Variants in TNR observed in about 807,000 individuals in gnomAD.
TNR encodes tenascin-R.
A neutral mutation model predicts 150.4 loss-of-function variants in TNR; 45 were observed. The ratio of observed to expected loss-of-function variants is 0.30; its 90% CI spans 0.24 to 0.38. The LOEUF (loss-of-function observed/expected upper bound fraction) is 0.38, where lower values mean the gene tolerates loss of function less well. TNR is among the 10% of genes least tolerant of loss of function. The probability of loss-of-function intolerance (pLI) is 1.00; values close to 1 mark genes in which losing one functional copy is unlikely to be tolerated. For missense variants in TNR, 1,544 were observed against 1,759.1 expected (o/e 0.88, Z 2.19); for synonymous variants, 687 against 678.4 (o/e 1.01, Z -0.20).
intron 1 of TNR, among the ~76,000 whole-genome samples, chr1:175,699,251 G>A (rs1168896257): frequency 6.6e-6 from 1 of 152,198 alleles, no homozygotes; most frequent in Non-Finnish European, 1.5e-5. Context: ...AAAAAAAATG[G>A]TGAAAGGGAG....
rs144390458 is a variant in TNR at position 175,479,705 on chromosome 1, A to C, written c.-64+48564T>G. ...GGCTACTCACTGATTACTCACTCAC[A>C]GAGGCAACTGAATCCTCAATCTGAT... On this transcript the variant is annotated intron_variant, in intron 2 of 22. Coordinates refer to ENST00000367674, the MANE Select transcript of TNR (RefSeq NM_003285.3). Among the ~76,000 whole-genome samples the C allele has an allele frequency of 5.0e-3, 763 of 152,202 alleles. 5 individuals carry two copies. Among genetic ancestry groups the C allele is most frequent in the African/African-American group, 0.017 (716 of 41,524 alleles).
intron 2 of TNR, among the ~76,000 whole-genome samples, chr1:175,484,976 T>C (rs367767552): frequency 1.3e-5 from 2 of 152,302 alleles, no homozygotes; most frequent in Middle Eastern, 3.4e-3. Context: ...GCAAAGAAGT[T>C]TGCTCTCCTA....
chr1:175,416,589 C>T (rs989221077), intron 2 of TNR, among the ~76,000 whole-genome samples: 1 of 152,146 alleles, frequency 6.6e-6, no homozygotes, highest in Non-Finnish European at 1.5e-5. Context: ...TTTTTCTTCT[C>T]TACATTTAAT....
chr1:175,541,720 G>T (rs559017241), intron 1 of TNR, among the ~76,000 whole-genome samples: 1 of 152,152 alleles, frequency 6.6e-6, no homozygotes, highest in Non-Finnish European at 1.5e-5. Context: ...TTACACCAAG[G>T]GGGATGCCAG....
chr1:175,366,339 C>A (rs12141400), intron 10 of TNR, among the ~76,000 whole-genome samples: 3 of 152,214 alleles, frequency 2.0e-5, no homozygotes, highest in African/African-American at 7.2e-5. Context: ...GATGAACAAT[C>A]TGAAGAAAGC....
chr1:175,688,351 A>T (rs1666260553), intron 1 of TNR, among the ~76,000 whole-genome samples: 1 of 152,212 alleles, frequency 6.6e-6, no homozygotes, highest in South Asian at 2.1e-4. Flanking sequence ...GGAAGAAAGG[A>T]GGCAGTGAGC....
chr1:175,341,894 C>T (rs1305754106), intron 18 of TNR, among the ~76,000 whole-genome samples: 5 of 152,328 alleles, frequency 3.3e-5, no homozygotes, highest in African/African-American at 4.8e-5. Context: ...GAATCAATGG[C>T]GCACATCTGC....
At chr1:175,514,185 T>C (rs528766466) in intron 2 of TNR, among the ~76,000 whole-genome samples, 1 of 152,290 alleles carries the variant, frequency 6.6e-6, no homozygotes, top group African/African-American at 2.4e-5. Context: ...ATTCCTAGTG[T>C]AATCACAAGG....
At chr1:175,628,693 G>A (rs1304820371) in intron 1 of TNR, among the ~76,000 whole-genome samples, 1 of 152,026 alleles carries the variant, frequency 6.6e-6, no homozygotes, top group Non-Finnish European at 1.5e-5. Flanking sequence ...AAGGGAAGAG[G>A]AGCAGCAGAG....
chr1:175,696,710 T>A (rs982306174), intron 1 of TNR, among the ~76,000 whole-genome samples: 1 of 152,066 alleles, frequency 6.6e-6, no homozygotes, highest in Non-Finnish European at 1.5e-5. Flanking sequence ...AGAAAACCCA[T>A]GTCTACTAAA....
At chr1:175,666,540 C>T (rs911017558) in intron 1 of TNR, among the ~76,000 whole-genome samples, 3 of 152,174 alleles carry the variant, frequency 2.0e-5, no homozygotes, top group African/African-American at 7.2e-5. Context: ...AGAGAGCTGC[C>T]CGGTGCTCCC....
chr1:175,434,936 T>C (rs1053810128), intron 2 of TNR, among the ~76,000 whole-genome samples: 4 of 152,156 alleles, frequency 2.6e-5, no homozygotes, highest in African/African-American at 7.2e-5. Flanking sequence ...CAGGCTAGGG[T>C]AATAGTTTCT....
intron 14 of TNR, among the ~76,000 whole-genome samples, chr1:175,360,227 A>C (rs1651528872): frequency 6.6e-6 from 1 of 152,236 alleles, no homozygotes; most frequent in African/African-American, 2.4e-5. Flanking sequence ...CCATAGGGGC[A>C]GGAGTATCCC....
chr1:175,396,549 G>T lies in TNR; in HGVS notation c.1235C>A (p.Ala412Asp). 1 of 1,613,724 alleles carries T rather than the reference G, an allele frequency of 6.2e-7. No homozygotes were observed. Among genetic ancestry groups the T allele is most frequent in the Non-Finnish European group, 8.5e-7 (1 of 1,179,682 alleles). Residue 412 changes from alanine (A) to aspartate (D), a missense_variant, in exon 5 of 23, where the codon GCC becomes GAC. Ala to Asp is a moderately radical substitution (Grantham distance 126). This residue lies in a region of TNR where 1,254 missense variants were observed against 1,329.4 expected (regional missense o/e 0.94). Coordinates refer to ENST00000367674, the MANE Select transcript of TNR (RefSeq NM_003285.3). ...GACGGGGAAATGGTACGTACGGGTG[G>T]CCACCTTGGCAGTGATGGGAAGGCT... ...ILSLPITAKV[A>D]THLSTPQGLQ... is the part of the protein sequence containing the mutation.
intron 18 of TNR, among the ~76,000 whole-genome samples, chr1:175,350,198 G>A (rs1650991218): frequency 6.6e-6 from 1 of 152,222 alleles, no homozygotes; most frequent in South Asian, 2.1e-4. Context: ...GCTCAGCCTG[G>A]ATGTGGAAGG....
intron 1 of TNR, among the ~76,000 whole-genome samples, chr1:175,607,578 T>G (rs1166737136): frequency 6.6e-6 from 1 of 152,210 alleles, no homozygotes; most frequent in Non-Finnish European, 1.5e-5. Context: ...ATATGCTTGC[T>G]CTTCAAGGAC....
In TNR at chr1:175,624,367, G is replaced by A. The variant is rs184194662; in HGVS notation, c.-164-95998C>T. Among the ~76,000 whole-genome samples, 9 of 152,266 alleles carry A rather than the reference G, an allele frequency of 5.9e-5. No individual in the cohort carries two copies. The East Asian group carries it at 1.7e-3, about 29-fold the overall frequency. On this transcript the variant is annotated intron_variant, in intron 1 of 22. Coordinates refer to ENST00000367674, the MANE Select transcript of TNR (RefSeq NM_003285.3). ...AGAATGTGACCTTATTTGGAAAAAGGATCTTTGCAGATATATTAGCTAGTT... is the reference window on the plus strand; with the variant it reads ...AGAATGTGACCTTATTTGGAAAAAGAATCTTTGCAGATATATTAGCTAGTT...
At position 175,453,927 on chromosome 1, in the gene TNR, C is replaced by A. The variant is rs142666326; in HGVS notation, c.-63-47150G>T. 8.2e-3 allele frequency among the ~76,000 whole-genome samples: 1,248 copies of A among 152,144 alleles called. 14 individuals are homozygous for A. The highest frequency in any genetic ancestry group is 0.024 in the Middle Eastern group (7 of 294). ...CATTTTCATTTTAGCCATATTTCAC[C>A]TTTATGAAAAGGTCAGCCAGGTGGT... On this transcript the variant is annotated intron_variant, in intron 2 of 22. Coordinates refer to ENST00000367674, the MANE Select transcript of TNR (RefSeq NM_003285.3).
intron 18 of TNR, among the ~76,000 whole-genome samples, chr1:175,348,388 AG>A (rs958403306): frequency 2.5e-4 from 38 of 152,138 alleles, no homozygotes; most frequent in Admixed American, 1.3e-3. Context: ...AAAATTTTTG[AG>A]GGGGGGACTT....
Sources: gnomAD v4.1 joint callset for allele counts (sites outside exome capture counted in the v4.1 genomes callset) on GRCh38, gnomAD v4.1.1 for gene constraint, gnomAD v4.1.1 regional missense constraint, MANE v1.5 for transcripts, NCBI Gene and HGNC (gene_info 2026-07-23, HGNC 2026-07-21) for gene names.